PXDNL: variants seen among roughly 807,000 people sequenced by gnomAD.
PXDNL encodes probable oxidoreductase PXDNL.
In PXDNL, 145 loss-of-function variants were observed where a neutral mutation model predicts 150.8. The ratio of observed to expected loss-of-function variants is 0.96; its 90% CI spans 0.84 to 1.10. The LOEUF is 1.10. PXDNL is among the 50% of genes least tolerant of loss of function. PXDNL has a pLI of 0.00. For missense variants in PXDNL, 2,087 were observed against 1,873.9 expected, an observed-to-expected ratio of 1.11 and a Z score of -2.10; for synonymous variants, 757 against 725.7, an observed-to-expected ratio of 1.04 and a Z score of -0.69.
intron 1 of PXDNL, among the ~76,000 whole-genome samples, chr8:51,733,749 G>A (rs1316274785): frequency 2.7e-5 from 4 of 149,992 alleles, no homozygotes; most frequent in Admixed American, 1.3e-4. Context: ...TGGAGGTTAC[G>A]GTGAGCCAAG....
intron 8 of PXDNL, among the ~76,000 whole-genome samples, chr8:51,463,294 T>C (rs1307313462): frequency 1.3e-5 from 2 of 152,140 alleles, no homozygotes; most frequent in South Asian, 4.1e-4. Context: ...ACCTTGAATG[T>C]AAATAGTCTA....
intron 4 of PXDNL, among the ~76,000 whole-genome samples, chr8:51,507,152 T>C (rs563271215): frequency 2.0e-5 from 3 of 152,266 alleles, no homozygotes; most frequent in East Asian, 3.9e-4. Flanking sequence ...AGTGGTCAAA[T>C]ACAAGGAATC....
At chr8:51,415,217 T>C (rs932992788) in intron 14 of PXDNL, among the ~76,000 whole-genome samples, 2 of 152,214 alleles carry the variant, frequency 1.3e-5, no homozygotes, top group Admixed American at 1.3e-4. Context: ...GTAGGAATTG[T>C]AGAAAATTGG....
intron 1 of PXDNL, among the ~76,000 whole-genome samples, chr8:51,752,673 A>G (rs956453150): frequency 4.0e-5 from 6 of 151,828 alleles, no homozygotes; most frequent in African/African-American, 9.7e-5. Context: ...TACTGTCCTC[A>G]TTGTTCATTT....
chr8:51,393,427 G>A (rs952436553), intron 17 of PXDNL, among the ~76,000 whole-genome samples: 1 of 152,220 alleles, frequency 6.6e-6, no homozygotes, highest in Non-Finnish European at 1.5e-5. Context: ...AAGAGAGCAC[G>A]TGTAACACCA....
At chr8:51,757,718 C>T (rs2037117448) in intron 1 of PXDNL, among the ~76,000 whole-genome samples, 1 of 152,080 alleles carries the variant, frequency 6.6e-6, no homozygotes, top group Admixed American at 6.5e-5. Flanking sequence ...GTACTCTTTG[C>T]AAATTTTATA....
At chr8:51,695,828 T>C (rs1816109512) in intron 1 of PXDNL, among the ~76,000 whole-genome samples, 1 of 152,254 alleles carries the variant, frequency 6.6e-6, no homozygotes. Context: ...GGGACTCTGA[T>C]AATTGGAAGG....
chr8:51,533,656 GT>G (rs574143121), intron 4 of PXDNL, among the ~76,000 whole-genome samples: 7 of 144,316 alleles, frequency 4.9e-5, no homozygotes, highest in African/African-American at 7.8e-5. Flanking sequence ...ACTGGTTTTC[GT>G]TTTTTTTTTG....
chr8:51,639,765 A>G, intron 2 of PXDNL, among the ~76,000 whole-genome samples: 1 of 152,176 alleles, frequency 6.6e-6, no homozygotes, highest in East Asian at 1.9e-4. Context: ...GCCGAATTCT[A>G]CCAGAGGTAC....
intron 12 of PXDNL, chr8:51,436,651 G>A: frequency 5.3e-6 from 1 of 189,538 alleles, no homozygotes; most frequent in Non-Finnish European, 1.1e-5. Flanking sequence ...ATTTCAGATT[G>A]TTTGAGCTGA....
intron 17 of PXDNL, among the ~76,000 whole-genome samples, chr8:51,378,200 C>T (rs1807404339): frequency 6.6e-6 from 1 of 151,948 alleles, no homozygotes; most frequent in South Asian, 2.1e-4. Context: ...TGTAAATGCA[C>T]CAATCAGCAC....
chr8:51,711,844 T>G (rs1816507962), intron 1 of PXDNL, among the ~76,000 whole-genome samples: 1 of 152,238 alleles, frequency 6.6e-6, no homozygotes, highest in Non-Finnish European at 1.5e-5. Flanking sequence ...CCTTACCTTA[T>G]TCTCATTTTT....
chr8:51,621,434 G>A (rs1274549238), intron 2 of PXDNL, among the ~76,000 whole-genome samples: 3 of 139,732 alleles, frequency 2.1e-5, no homozygotes, highest in African/African-American at 9.0e-5. Flanking sequence ...ACAAAAGAAT[G>A]AGTGTGTGTG....
At chr8:51,769,523 C>T (rs1194472717) in intron 1 of PXDNL, among the ~76,000 whole-genome samples, 1 of 152,162 alleles carries the variant, frequency 6.6e-6, no homozygotes, top group East Asian at 1.9e-4. Context: ...TTGAAGCTGC[C>T]TTCACAACTA....
chr8:51,671,337 C>T (rs1030534799), intron 1 of PXDNL, among the ~76,000 whole-genome samples: 1 of 152,132 alleles, frequency 6.6e-6, no homozygotes, highest in Admixed American at 6.5e-5. Flanking sequence ...TTCATTTTCC[C>T]CAAACAAAAA....
chr8:51,377,915 C>CA (rs914588960), intron 17 of PXDNL, among the ~76,000 whole-genome samples: 1 of 152,254 alleles, frequency 6.6e-6, no homozygotes, highest in Admixed American at 6.5e-5. Context: ...AGGAGCAGAG[C>CA]AGGGGACTGG....
At chr8:51,747,568 G>A (rs1012957435) in intron 1 of PXDNL, among the ~76,000 whole-genome samples, 3 of 152,170 alleles carry the variant, frequency 2.0e-5, no homozygotes, top group East Asian at 1.9e-4. Context: ...GCCAAGGAGC[G>A]GTCCAAGTTG....
At chr8:51,738,348 C>T (rs1817082232) in intron 1 of PXDNL, among the ~76,000 whole-genome samples, 1 of 152,172 alleles carries the variant, frequency 6.6e-6, no homozygotes. Flanking sequence ...CTTCTGTCTC[C>T]CAAAACGTGC....
intron 1 of PXDNL, among the ~76,000 whole-genome samples, chr8:51,791,815 G>A (rs1172620478): frequency 6.6e-6 from 1 of 152,038 alleles, no homozygotes; most frequent in Non-Finnish European, 1.5e-5. Context: ...ATCATTATAG[G>A]GGCTGTTCTT....
Sources: allele counts gnomAD v4.1 joint callset (sites outside exome capture counted in the v4.1 genomes callset), GRCh38; gene constraint gnomAD v4.1.1; transcripts MANE v1.5; gene names NCBI Gene and HGNC (gene_info 2026-07-23, HGNC 2026-07-21).